GRIN3A: variants seen among roughly 807,000 people sequenced by gnomAD.
The protein encoded by GRIN3A is glutamate ionotropic receptor NMDA type subunit 3A, also known as glutamate receptor ionotropic, NMDA 3A.
GRIN3A carries 47 observed loss-of-function variants against 92.4 expected under a neutral mutation model. That is an observed-to-expected ratio of 0.51 (90% CI 0.40 to 0.65). The LOEUF (loss-of-function observed/expected upper bound fraction) is 0.65. GRIN3A is among the 30% of genes least tolerant of loss of function. The pLI, the probability that GRIN3A is intolerant of heterozygous loss-of-function variation, is 0.00. For synonymous variants in GRIN3A, 527 were observed against 540.6 expected, an observed-to-expected ratio of 0.97 and a Z score of 0.35; for missense variants, 1,324 against 1,393.1, an observed-to-expected ratio of 0.95 and a Z score of 0.79.
At chr9:101,578,179 ATAAT>A (rs1252267107) in intron 7 of GRIN3A, among the ~76,000 whole-genome samples, 1 of 152,216 alleles carries the variant, frequency 6.6e-6, no homozygotes, top group African/African-American at 2.4e-5. Context: ...TAAAAAGTAT[ATAAT>A]TAATTGACAA....
At position 101,686,845 on chromosome 9, in the gene GRIN3A, A is replaced by C; in HGVS notation, c.1055T>G (p.Leu352Arg). Residue 352 changes from leucine to arginine, a missense_variant, in exon 2 of 9, where the codon CTT (leucine) becomes CGT (arginine). Transcript: ENST00000361820. ...TTQFGVMPPE[L>R]RWVLGDSQNV... The stretch of plus-strand genomic sequence containing the variant: ...CTGGGAATCTCCCAGCACCCAACGA[A>C]GTTCAGGGGGCATGACCCCAAACTG... 6.2e-7 allele frequency: 1 copy of C among 1,614,220 alleles called. No homozygotes were observed. Among genetic ancestry groups the C allele is most frequent in the Non-Finnish European group, 8.5e-7 (1 of 1,180,046 alleles).
At chr9:101,710,930 T>C (rs945879851) in intron 1 of GRIN3A, among the ~76,000 whole-genome samples, 1 of 152,222 alleles carries the variant, frequency 6.6e-6, no homozygotes, top group Non-Finnish European at 1.5e-5. Flanking sequence ...TACATACATA[T>C]AATAAAATTC....
chr9:101,633,905 C>T (rs1230381806), intron 3 of GRIN3A, among the ~76,000 whole-genome samples: 1 of 152,018 alleles, frequency 6.6e-6, no homozygotes, highest in Non-Finnish European at 1.5e-5. Context: ...GACTCTGCAC[C>T]AACAAACTGC....
chr9:101,689,302 C>T (rs1359385803), intron 1 of GRIN3A, among the ~76,000 whole-genome samples: 2 of 152,154 alleles, frequency 1.3e-5, no homozygotes, highest in Admixed American at 6.5e-5. Flanking sequence ...TGCACCATAA[C>T]CTCCGAATCA....
intron 3 of GRIN3A, among the ~76,000 whole-genome samples, chr9:101,646,591 T>C (rs1828941516): frequency 1.4e-5 from 2 of 147,996 alleles, no homozygotes; most frequent in African/African-American, 5.0e-5. Flanking sequence ...TGTATTGAAT[T>C]TGTAGATCAC....
intron 3 of GRIN3A, among the ~76,000 whole-genome samples, chr9:101,637,405 G>T (rs1828799569): frequency 6.6e-6 from 1 of 152,270 alleles, no homozygotes; most frequent in Non-Finnish European, 1.5e-5. Flanking sequence ...ACAGGTGGGA[G>T]CTAGGGCATA....
rs574979839 is a variant in GRIN3A at position 101,643,995 on chromosome 9, A to G, written c.2353-15594T>C. On this transcript the variant is annotated intron_variant, in intron 3 of 8. Coordinates refer to ENST00000361820, the MANE Select transcript of GRIN3A (RefSeq NM_133445.3). ...TAGTTAATAATAGTATATGGTATAT[A>G]TAAAATTTGGTAAGACAGTAGTTAT... 1.4e-4 allele frequency among the ~76,000 whole-genome samples: 22 copies of G among 151,894 alleles called. No homozygotes were observed. In the South Asian group the frequency reaches 4.1e-3, roughly 29 times the overall value.
chr9:101,629,840 A>AT (rs1292721169), intron 3 of GRIN3A, among the ~76,000 whole-genome samples: 1 of 152,174 alleles, frequency 6.6e-6, no homozygotes, highest in Non-Finnish European at 1.5e-5. Context: ...AATGGGCATA[A>AT]GGTCATGCAG....
At chr9:101,718,575 C>T (rs991858589) in intron 1 of GRIN3A, among the ~76,000 whole-genome samples, 1 of 152,106 alleles carries the variant, frequency 6.6e-6, no homozygotes, top group Non-Finnish European at 1.5e-5. Context: ...TAGAATTCAC[C>T]TTATAGGTTA....
intron 6 of GRIN3A, among the ~76,000 whole-genome samples, chr9:101,604,721 T>C (rs1470022899): frequency 2.0e-5 from 3 of 152,142 alleles, no homozygotes; most frequent in Non-Finnish European, 4.4e-5. Flanking sequence ...AATACTGCAT[T>C]AAAACTGCCC....
In GRIN3A at chr9:101,613,384, C is replaced by A; in HGVS notation, c.2758G>T (p.Val920Phe). Residue 920 changes from valine (V) to phenylalanine (F), a missense_variant, in exon 6 of 9, where the codon GTC becomes TTC. Coordinates refer to ENST00000361820, the MANE Select transcript of GRIN3A (RefSeq NM_133445.3). ...CAACAGTCTTTCCATACCTCCGTGA[C>A]AGCAAAACTTCTCTTGCCACAGGGA... The part of the protein sequence containing the change: ...VVPCGKRSFA[V>F]TETLQMGIKH... The A allele has an allele frequency of 1.9e-6, 3 of 1,614,206 alleles. No individual in the cohort carries two copies. The highest frequency in any genetic ancestry group is 2.5e-6 in the Non-Finnish European group (3 of 1,180,032).
chr9:101,588,005 G>T (rs1409077401), intron 6 of GRIN3A, among the ~76,000 whole-genome samples: 1 of 152,148 alleles, frequency 6.6e-6, no homozygotes, highest in East Asian at 1.9e-4. Context: ...CAGATTCATT[G>T]CTGTGTCTAT....
At chr9:101,594,963 G>C (rs371906886) in intron 6 of GRIN3A, 22 of 1,572,676 alleles carry the variant, frequency 1.4e-5, no homozygotes, top group Non-Finnish European at 1.9e-5. Flanking sequence ...GGGTCGGAGA[G>C]GGGAGCAGGG....
Position 101,693,030 on chromosome 9 carries a change from A to G in GRIN3A, c.700-5830T>C, listed in dbSNP as rs1829639667. ...ACAATGGCCTCATGAGGTGACTGCA[A>G]TGATCATCCCCCTTTAATAGAAGAC... is the stretch of plus-strand genomic sequence containing the variant. On this transcript the variant is annotated intron_variant, in intron 1 of 8. Coordinates refer to ENST00000361820, the MANE Select transcript of GRIN3A (RefSeq NM_133445.3). Among the ~76,000 whole-genome samples the G allele has an allele frequency of 2.6e-5, 4 of 152,050 alleles. No individual in the cohort carries two copies. The South Asian group carries it at 8.3e-4, about 32-fold the overall frequency.
At chr9:101,636,090 C>T (rs951919430) in intron 3 of GRIN3A, among the ~76,000 whole-genome samples, 1 of 152,120 alleles carries the variant, frequency 6.6e-6, no homozygotes, top group Non-Finnish European at 1.5e-5. Context: ...ACCATGTTGA[C>T]CAGGCTGGTC....
intron 3 of GRIN3A, among the ~76,000 whole-genome samples, chr9:101,669,132 C>G (rs1286008010): frequency 6.6e-6 from 1 of 152,102 alleles, no homozygotes; most frequent in Admixed American, 6.6e-5. Flanking sequence ...TGCACTGCAG[C>G]TTCAGATCTG....
rs1418459517 is a variant in GRIN3A, at chr9:101,594,332, T to C, written c.2767-14972A>G. ...ACTTCCAGATAAGTCAGAGAGACAG[T>C]TGGACGTCTTGAGCAAATCTTGAAA... On this transcript the variant is annotated intron_variant, in intron 6 of 8. Coordinates refer to ENST00000361820, the MANE Select transcript of GRIN3A (RefSeq NM_133445.3). 2.7e-6 allele frequency: 4 copies of C among 1,499,110 alleles called. No homozygotes were observed. The South Asian group carries it at 4.0e-5, about 15-fold the overall frequency. 92.9% of individuals were successfully genotyped at this position (1,499,110 alleles called of 1,614,324 possible).
At chr9:101,625,414 A>G (rs1031849834) in intron 4 of GRIN3A, among the ~76,000 whole-genome samples, 10 of 152,078 alleles carry the variant, frequency 6.6e-5, no homozygotes, top group Non-Finnish European at 1.0e-4. Context: ...ATCCCTAGAC[A>G]CCCAGAAGAT....
At chr9:101,622,879 C>T (rs1828576746) in intron 5 of GRIN3A, among the ~76,000 whole-genome samples, 1 of 151,846 alleles carries the variant, frequency 6.6e-6, no homozygotes. Context: ...GAGTATTTGG[C>T]TGTTAGAAAA....
Sources: gnomAD v4.1 joint callset for allele counts (sites outside exome capture counted in the v4.1 genomes callset) on GRCh38, gnomAD v4.1.1 for gene constraint, MANE v1.5 for transcripts, NCBI Gene and HGNC (gene_info 2026-07-23, HGNC 2026-07-21) for gene names.